The following COL4A4 variants were observed in gnomAD, a reference collection of about 807,000 sequenced individuals.
COL4A4 encodes collagen alpha-4(IV) chain.
In COL4A4, 105 loss-of-function variants were observed where a neutral mutation model predicts 192.9. That is an observed-to-expected ratio of 0.54 (90% CI 0.46 to 0.64). COL4A4 has a LOEUF of 0.64. Among genes scored for constraint, COL4A4 ranks in the 30% least tolerant of loss-of-function variants. COL4A4 has a pLI of 0.00. For missense variants in COL4A4, 1,967 were observed against 2,169.3 expected (o/e 0.91, Z 1.85); for synonymous variants, 762 against 769.9 (o/e 0.99, Z 0.17).
intron 25 of COL4A4, among the ~76,000 whole-genome samples, chr2:227,069,789 C>G (rs2058595763): frequency 6.6e-6 from 1 of 150,982 alleles, no homozygotes. Context: ...TAGGCATTAC[C>G]ATTCAGGACA....
chr2:226,981,113 A>G, the COL4A4 span, among the ~76,000 whole-genome samples: 1 of 152,166 alleles, frequency 6.6e-6, no homozygotes, highest in Non-Finnish European at 1.5e-5. Flanking sequence ...AAACTATCAC[A>G]AGGACAGAAA....
chr2:226,978,238 A>T, the COL4A4 span, among the ~76,000 whole-genome samples: 33 of 152,286 alleles, frequency 2.2e-4, no homozygotes, highest in East Asian at 1.2e-3. Context: ...TCTTTTTTTT[A>T]AAATTCAAAT....
intron 21 of COL4A4, among the ~76,000 whole-genome samples, chr2:227,089,189 T>C (rs2059765629): frequency 6.7e-6 from 1 of 149,688 alleles, no homozygotes; most frequent in African/African-American, 2.4e-5. Flanking sequence ...AAAAAAAAAC[T>C]GAAAAAATTA....
intron 4 of COL4A4, among the ~76,000 whole-genome samples, chr2:227,136,355 A>G (rs1481244954): frequency 6.6e-6 from 1 of 152,212 alleles, no homozygotes; most frequent in Non-Finnish European, 1.5e-5. Context: ...GAAGAACAGG[A>G]AAGACAGAGG....
chr2:227,081,749 T>TA (rs575728575), intron 23 of COL4A4, among the ~76,000 whole-genome samples: 1 of 152,132 alleles, frequency 6.6e-6, no homozygotes, highest in Non-Finnish European at 1.5e-5. Flanking sequence ...ATAAATTACT[T>TA]AAAAAAACGA....
rs1334137267 is a variant in COL4A4, at chr2:227,047,520, CAA to C, written c.3242_3243del (p.Phe1081TrpfsTer8). 1 of 1,613,562 alleles carries C rather than the reference CAA, an allele frequency of 6.2e-7. No individual in the cohort carries two copies. The highest frequency in any genetic ancestry group is 8.5e-7 in the Non-Finnish European group (1 of 1,179,828). ...KGNKGDPASH[F>X]GPPGPKGEPG... Reference sequence around the variant, plus strand: ...GGCTCACCCTTTGGACCAGGTGGACCAAAGTGACTGGCAGGGTCACCTTTGTT... The same window carrying C: ...GGCTCACCCTTTGGACCAGGTGGACCAGTGACTGGCAGGGTCACCTTTGTT... On this transcript the variant is annotated frameshift_variant, in exon 35 of 48. Coordinates refer to ENST00000396625, the MANE Select transcript of COL4A4 (RefSeq NM_000092.5). LOFTEE classifies it high-confidence loss of function.
chr2:227,045,847 TACAC>T (rs1215509552), intron 35 of COL4A4, among the ~76,000 whole-genome samples: 17 of 43,368 alleles, frequency 3.9e-4, no homozygotes, highest in African/African-American at 1.3e-3. Flanking sequence ...CATATATATA[TACAC>T]ATATATATAT....
At chr2:226,980,273 T>G in the COL4A4 span, among the ~76,000 whole-genome samples, 3 of 152,128 alleles carry the variant, frequency 2.0e-5, no homozygotes, top group African/African-American at 2.4e-5. Flanking sequence ...GTATTCAACC[T>G]CAGCTCTTTC....
Position 227,030,830 on chromosome 2 carries a change from G to A in COL4A4, c.3818-232C>T, listed in dbSNP as rs1419348423. Among the ~76,000 whole-genome samples the A allele has an allele frequency of 2.0e-5, 3 of 152,264 alleles. No homozygotes were observed. In the East Asian group the frequency reaches 5.8e-4, roughly 29 times the overall value. On this transcript the variant is annotated intron_variant, in intron 40 of 47. Transcript: ENST00000396625. ...TAACTGTTAGACAAAATGAACCCAA[G>A]CAAAACCTTCCTTCCCTTCAAAGTC...
At chr2:227,159,197 G>A (rs566459041) in intron 1 of COL4A4, among the ~76,000 whole-genome samples, 1 of 152,338 alleles carries the variant, frequency 6.6e-6, no homozygotes, top group East Asian at 1.9e-4. Context: ...CAGAGTCAGA[G>A]AAGCCAGATG....
intron 43 of COL4A4, chr2:227,022,511 G>A (rs1168084536): frequency 1.8e-6 from 1 of 561,060 alleles, no homozygotes; most frequent in East Asian, 4.9e-5. Flanking sequence ...CAATCTCTGG[G>A]CCATTTTTTA....
intron 3 of COL4A4, among the ~76,000 whole-genome samples, chr2:227,141,352 CAT>C (rs1576822765): frequency 6.6e-6 from 1 of 152,062 alleles, no homozygotes; most frequent in East Asian, 1.9e-4. Context: ...GATGGGAAAA[CAT>C]AAAACAATAA....
chr2:227,093,940 G>A (rs1379256769), intron 20 of COL4A4, among the ~76,000 whole-genome samples, 185 bp downstream of exon 20: 1 of 152,136 alleles, frequency 6.6e-6, no homozygotes, highest in African/African-American at 2.4e-5. Flanking sequence ...CTAACCAAAT[G>A]ATTGCACATA....
chr2:227,075,231 C>A (rs1009021508), intron 25 of COL4A4, among the ~76,000 whole-genome samples: 1 of 152,138 alleles, frequency 6.6e-6, no homozygotes, highest in Non-Finnish European at 1.5e-5. Flanking sequence ...CCCTGATGAA[C>A]CTTAATGCAA....
intron 3 of COL4A4, among the ~76,000 whole-genome samples, chr2:227,143,744 A>G (rs1411178566): frequency 6.6e-6 from 1 of 152,240 alleles, no homozygotes; most frequent in Non-Finnish European, 1.5e-5. Flanking sequence ...TCTCAAATGC[A>G]TGTCAACAAA....
At chr2:227,036,377 C>T (rs930713716) in intron 37 of COL4A4, among the ~76,000 whole-genome samples, 1 of 152,186 alleles carries the variant, frequency 6.6e-6, no homozygotes, top group African/African-American at 2.4e-5. Context: ...ACTTTTAACA[C>T]ATAGGGTGAC....
chr2:227,070,129 C>T (rs1264736251), intron 25 of COL4A4, among the ~76,000 whole-genome samples: 1 of 152,202 alleles, frequency 6.6e-6, no homozygotes, highest in South Asian at 2.1e-4. Flanking sequence ...TGCTCACCAT[C>T]ACTGGCCATC....
the COL4A4 span, chr2:226,988,339 A>G: frequency 6.5e-7 from 1 of 1,549,478 alleles, no homozygotes; most frequent in Non-Finnish European, 8.7e-7. Context: ...CAGGAAAACC[A>G]GGTCATAAAG....
chr2:227,036,702 C>A (rs1026596599), intron 37 of COL4A4, among the ~76,000 whole-genome samples: 1 of 152,130 alleles, frequency 6.6e-6, no homozygotes, highest in Non-Finnish European at 1.5e-5. Context: ...GCTGTCAAGA[C>A]GATGCGGGAC....
Sources: gnomAD v4.1 joint callset for allele counts (sites outside exome capture counted in the v4.1 genomes callset) on GRCh38, gnomAD v4.1.1 for gene constraint, MANE v1.5 for transcripts, NCBI Gene and HGNC (gene_info 2026-07-23, HGNC 2026-07-21) for gene names.